Variants in RELCH observed in about 807,000 individuals in gnomAD.
RELCH encodes RAB11-binding protein RELCH.
RELCH carries 41 observed loss-of-function variants against 150.3 expected under a neutral mutation model. The ratio of observed to expected loss-of-function variants is 0.27; its 90% CI spans 0.21 to 0.35. The LOEUF (loss-of-function observed/expected upper bound fraction) is 0.35, where lower values mean the gene tolerates loss of function less well. Among genes scored for constraint, RELCH ranks in the 10% least tolerant of loss-of-function variants. The pLI, the probability that RELCH is intolerant of heterozygous loss-of-function variation, is 1.00. For missense variants in RELCH, 1,092 were observed against 1,467.8 expected (o/e 0.74, Z 4.18); for synonymous variants, 478 against 531.8 (o/e 0.90, Z 1.39).
At chr18:62,268,639 T>G (rs534478483) in intron 19 of RELCH, 1 of 254,636 alleles carries the variant, frequency 3.9e-6, no homozygotes, top group African/African-American at 2.3e-5. Flanking sequence ...CCATCTCATT[T>G]GGGTTATTAA....
chr18:62,225,372 G>T (rs932274684), intron 5 of RELCH, among the ~76,000 whole-genome samples: 8 of 151,994 alleles, frequency 5.3e-5, no homozygotes, highest in Non-Finnish European at 1.2e-4. Context: ...AACTTCTGCT[G>T]TTTGGAAGCC....
At chr18:62,219,824 A>G (rs1245228386) in intron 2 of RELCH, among the ~76,000 whole-genome samples, 2 of 151,984 alleles carry the variant, frequency 1.3e-5, no homozygotes, top group African/African-American at 4.8e-5. Flanking sequence ...AAATGTGCAA[A>G]CTGAGTGAAT....
intron 25 of RELCH, among the ~76,000 whole-genome samples, chr18:62,286,264 C>T (rs1448748437): frequency 6.6e-6 from 1 of 152,184 alleles, no homozygotes; most frequent in East Asian, 1.9e-4. Flanking sequence ...CTCAGCGTGC[C>T]AATTAATGAA....
intron 2 of RELCH, among the ~76,000 whole-genome samples, chr18:62,215,911 A>G (rs1379683804): frequency 3.7e-4 from 57 of 152,128 alleles, no homozygotes; most frequent in Non-Finnish European, 2.9e-5. Flanking sequence ...AATTTTAAAA[A>G]CTTTTTTAGA....
At chr18:62,286,806 G>A (rs1293086897) in intron 25 of RELCH, among the ~76,000 whole-genome samples, 1 of 152,126 alleles carries the variant, frequency 6.6e-6, no homozygotes, top group African/African-American at 2.4e-5. Context: ...TACTCTTTGA[G>A]GGTATTAAAC....
intron 18 of RELCH, 124 bp from the exon 19 acceptor site, chr18:62,266,572 CACTTA>C (rs1398771550): frequency 7.4e-6 from 4 of 540,660 alleles, no homozygotes; most frequent in African/African-American, 5.9e-5. Flanking sequence ...CATTTCTGAC[CACTTA>C]ACTTAGTCAT....
At position 62,227,456 on chromosome 18, in the gene RELCH, C is replaced by A. The variant is rs1260231847; in HGVS notation, c.1026C>A (p.Asn342Lys). ...AGGCCCTTACACCAATTATAAGCAA[C>A]CTTCCTCCAACTCTTGAAACTCCCC... ...ELEALTPIISNLPPTLETPQP... is the reference protein window; with the variant it reads ...ELEALTPIISKLPPTLETPQP... The change falls in exon 6 of 29, where the codon AAC becomes AAA. Residue 342 changes from asparagine to lysine, a missense_variant. Coordinates refer to ENST00000644646, the MANE Select transcript of RELCH (RefSeq NM_001346231.2). The A allele has an allele frequency of 1.2e-6, 2 of 1,613,124 alleles. No individual in the cohort carries two copies. The highest frequency in any genetic ancestry group is 2.7e-5 in the African/African-American group (2 of 74,816).
At chr18:62,210,494 G>C (rs1204741406) in intron 1 of RELCH, among the ~76,000 whole-genome samples, 2 of 152,076 alleles carry the variant, frequency 1.3e-5, no homozygotes, top group Non-Finnish European at 2.9e-5. Flanking sequence ...GCTGTACAAG[G>C]CATTTTTAAT....
chr18:62,277,529 TA>T, intron 22 of RELCH: 4 of 672,798 alleles, frequency 5.9e-6, no homozygotes, highest in Non-Finnish European at 7.4e-6. Context: ...CTGCTTACCC[TA>T]AAAAAGTTAA....
chr18:62,212,011 C>T (rs1033985364), intron 2 of RELCH, among the ~76,000 whole-genome samples: 5 of 152,156 alleles, frequency 3.3e-5, no homozygotes, highest in Non-Finnish European at 7.4e-5. Context: ...TTTTTAATTG[C>T]TTGGTTGCTA....
chr18:62,231,640 T>C (rs886655054), intron 9 of RELCH, among the ~76,000 whole-genome samples: 2 of 152,110 alleles, frequency 1.3e-5, no homozygotes, highest in South Asian at 4.1e-4. Flanking sequence ...GGAGTGGTTA[T>C]GTCCAATAGT....
chr18:62,259,279 A>G (rs963207786), intron 15 of RELCH, among the ~76,000 whole-genome samples: 1 of 151,970 alleles, frequency 6.6e-6, no homozygotes, highest in African/African-American at 2.4e-5. Flanking sequence ...AGGAAGTAGG[A>G]GAGGGGAAGT....
intron 27 of RELCH, among the ~76,000 whole-genome samples, chr18:62,296,398 C>T (rs1189217853): frequency 6.6e-6 from 1 of 152,050 alleles, no homozygotes; most frequent in Non-Finnish European, 1.5e-5. Flanking sequence ...ACCAGCCTGA[C>T]CAACATGGAG....
chr18:62,201,330 T>A (rs1313012360), intron 1 of RELCH, among the ~76,000 whole-genome samples: 1 of 152,146 alleles, frequency 6.6e-6, no homozygotes, highest in Non-Finnish European at 1.5e-5. Context: ...GAATTACTTT[T>A]AAAGTAAGTC....
At chr18:62,284,996 T>C (rs1262952727) in intron 25 of RELCH, among the ~76,000 whole-genome samples, 1 of 152,166 alleles carries the variant, frequency 6.6e-6, no homozygotes, top group East Asian at 1.9e-4. Context: ...TTTTTTCCCC[T>C]AAGTTTCTTG....
chr18:62,220,084 A>C (rs888701073), intron 2 of RELCH, among the ~76,000 whole-genome samples: 37 of 152,096 alleles, frequency 2.4e-4, no homozygotes, highest in Non-Finnish European at 3.7e-4. Context: ...TAAAGAGCTT[A>C]TTAAAATGTT....
chr18:62,189,591 G>A (rs1457174998), intron 1 of RELCH, among the ~76,000 whole-genome samples: 1 of 152,082 alleles, frequency 6.6e-6, no homozygotes, highest in African/African-American at 2.4e-5. Context: ...GTTTTCAACC[G>A]TATTAATACA....
At position 62,187,865 on chromosome 18, in the gene RELCH, T is replaced by C; in HGVS notation, c.360T>C (p.Ser120=). Residue 120 remains serine, a synonymous_variant, in exon 1 of 29, where the codon AGT becomes AGC. Coordinates refer to ENST00000644646, the MANE Select transcript of RELCH (RefSeq NM_001346231.2). ...AGCTGCATACCGAGCTGTTAGAGAG[T>C]GGCCGGGAGCTGCCTCGGCTGCGCG... is the stretch of plus-strand genomic sequence containing the variant. ...ALELHTELLE[S]GRELPRLRDY... is the part of the protein sequence containing the mutation. 1 of 1,593,626 alleles carries C rather than the reference T, an allele frequency of 6.3e-7. No individual in the cohort carries two copies. The highest frequency in any genetic ancestry group is 1.1e-5 in the South Asian group (1 of 88,612).
At chr18:62,214,452 G>A (rs1474205032) in intron 2 of RELCH, among the ~76,000 whole-genome samples, 1 of 152,158 alleles carries the variant, frequency 6.6e-6, no homozygotes, top group Admixed American at 6.5e-5. Flanking sequence ...ATGGTTTGGA[G>A]TCTTGTGCCT....
Sources: gnomAD v4.1 joint callset for allele counts (sites outside exome capture counted in the v4.1 genomes callset) on GRCh38, gnomAD v4.1.1 for gene constraint, MANE v1.5 for transcripts, NCBI Gene and HGNC (gene_info 2026-07-23, HGNC 2026-07-21) for gene names.